Variants in ZFHX3 observed in about 807,000 individuals in gnomAD.
ZFHX3 encodes zinc finger homeobox protein 3.
ZFHX3 carries 42 observed loss-of-function variants against 279.1 expected under a neutral mutation model. The observed-to-expected ratio is 0.15, with a 90% CI of 0.12 to 0.19. The LOEUF is 0.19. Among genes scored for constraint, ZFHX3 ranks in the 10% least tolerant of loss-of-function variants. The probability of loss-of-function intolerance (pLI) is 1.00; values close to 1 mark genes in which losing one functional copy is unlikely to be tolerated. For synonymous variants in ZFHX3, 2,293 were observed against 1,957.8 expected (o/e 1.17, Z -4.52); for missense variants, 4,981 against 4,754.0 (o/e 1.05, Z -1.40).
At chr16:73,600,602 A>C (rs2052102802) in intron 2 of ZFHX3, among the ~76,000 whole-genome samples, 1 of 151,830 alleles carries the variant, frequency 6.6e-6, no homozygotes, top group Admixed American at 6.6e-5. Flanking sequence ...TTGTATTTTT[A>C]GTAGAGACAG....
intron 7 of ZFHX3, among the ~76,000 whole-genome samples, chr16:73,120,811 C>T (rs933098891): frequency 6.6e-6 from 1 of 151,864 alleles, no homozygotes; most frequent in Non-Finnish European, 1.5e-5. Flanking sequence ...TGTGCTACCA[C>T]GCCCGGCGAA....
intron 1 of ZFHX3, among the ~76,000 whole-genome samples, chr16:73,046,266 AC>A (rs1281878044): frequency 6.6e-6 from 1 of 152,020 alleles, no homozygotes; most frequent in East Asian, 1.9e-4. Context: ...CTTCCCTCAC[AC>A]CTCACTTTTG....
At chr16:73,665,925 T>A (rs1312034624) in intron 2 of ZFHX3, among the ~76,000 whole-genome samples, 3 of 150,728 alleles carry the variant, frequency 2.0e-5, no homozygotes, top group African/African-American at 7.4e-5. Context: ...ATGCCATTCT[T>A]CTGCCTCAAC....
intron 2 of ZFHX3, among the ~76,000 whole-genome samples, chr16:73,480,973 G>A (rs537058878): frequency 6.6e-6 from 1 of 152,268 alleles, no homozygotes; most frequent in South Asian, 2.1e-4. Context: ...GCAAAGACAC[G>A]TCAAGGACTC....
intron 1 of ZFHX3, among the ~76,000 whole-genome samples, chr16:73,705,926 T>C (rs2053298639): frequency 6.6e-6 from 1 of 152,120 alleles, no homozygotes; most frequent in African/African-American, 2.4e-5. Flanking sequence ...CCGACTCTTG[T>C]TATACCTCAC....
At chr16:73,058,226 G>A (rs1370232052) in intron 1 of ZFHX3, among the ~76,000 whole-genome samples, 15 of 145,094 alleles carry the variant, frequency 1.0e-4, no homozygotes, top group African/African-American at 3.2e-4. Context: ...GGGGAGGAGG[G>A]GGCGGCCCGG....
intron 2 of ZFHX3, among the ~76,000 whole-genome samples, chr16:73,491,611 C>A (rs1286806979): frequency 5.9e-5 from 9 of 152,234 alleles, no homozygotes; most frequent in African/African-American, 9.6e-5. Flanking sequence ...CATTGGCTGG[C>A]AAAGTGGCAC....
intron 3 of ZFHX3, among the ~76,000 whole-genome samples, chr16:72,917,540 C>T (rs1391819760): frequency 4.6e-5 from 7 of 152,166 alleles, no homozygotes; most frequent in Admixed American, 1.3e-4. Flanking sequence ...CTTCATACCA[C>T]GGGGTGTTTG....
chr16:73,494,688 T>C (rs1195161328), intron 2 of ZFHX3, among the ~76,000 whole-genome samples: 1 of 151,754 alleles, frequency 6.6e-6, no homozygotes, highest in Non-Finnish European at 1.5e-5. Context: ...GCCTCCAGAG[T>C]AGCTGGGATT....
intron 1 of ZFHX3, among the ~76,000 whole-genome samples, chr16:73,871,186 CT>C (rs773191489): frequency 6.6e-6 from 1 of 152,176 alleles, no homozygotes; most frequent in Non-Finnish European, 1.5e-5. Context: ...CTCAATTACA[CT>C]GGATTTTAGC....
chr16:73,002,186 T>A (rs1332559269), intron 1 of ZFHX3, among the ~76,000 whole-genome samples: 1 of 152,166 alleles, frequency 6.6e-6, no homozygotes, highest in Non-Finnish European at 1.5e-5. Flanking sequence ...CCCGCCAGGA[T>A]AGCACGTGAC....
chr16:73,245,901 G>C (rs59590328), intron 5 of ZFHX3, among the ~76,000 whole-genome samples: 26,036 of 152,038 alleles, frequency 0.17, 3,579 homozygotes, highest in East Asian at 0.46. Context: ...TTTAGGTCTG[G>C]GAACCTTAAG....
At chr16:73,821,355 T>C (rs1189420614) in intron 1 of ZFHX3, among the ~76,000 whole-genome samples, 1 of 152,176 alleles carries the variant, frequency 6.6e-6, no homozygotes. Context: ...GTACCATCTC[T>C]GATGGAATTT....
At chr16:72,812,966 C>T (rs536660289) in intron 5 of ZFHX3, among the ~76,000 whole-genome samples, 1 of 152,278 alleles carries the variant, frequency 6.6e-6, no homozygotes, top group African/African-American at 2.4e-5. Flanking sequence ...TTAGGAAAAA[C>T]CTGCTATCTG....
rs534849371 is a variant in ZFHX3 at position 73,565,533 on chromosome 16, G to A, written c.-1546-109275C>T. Reference sequence around the variant, plus strand: ...GTTACCTCGAATACTCAAGGTTTTCGGGGCACTTAATAGTTTACAAATGTT... The same window carrying A: ...GTTACCTCGAATACTCAAGGTTTTCAGGGCACTTAATAGTTTACAAATGTT... On this transcript the variant is annotated intron_variant, in intron 2 of 17. Transcript: ENST00000641206. Among the ~76,000 whole-genome samples the A allele has an allele frequency of 3.4e-4, 52 of 152,186 alleles. No individual in the cohort carries two copies. The South Asian group carries it at 9.8e-3, about 29-fold the overall frequency.
chr16:73,184,309 C>A (rs1340966637), intron 5 of ZFHX3, among the ~76,000 whole-genome samples: 2 of 152,206 alleles, frequency 1.3e-5, no homozygotes, highest in Non-Finnish European at 2.9e-5. Flanking sequence ...CAGCCACCTG[C>A]AGACCTTTGC....
At chr16:73,258,915 C>G (rs2013738809) in intron 4 of ZFHX3, among the ~76,000 whole-genome samples, 1 of 152,172 alleles carries the variant, frequency 6.6e-6, no homozygotes, top group South Asian at 2.1e-4. Context: ...TTACATGTAC[C>G]TGAGTAGTCT....
At chr16:72,907,473 C>T (rs1336403085) in intron 3 of ZFHX3, among the ~76,000 whole-genome samples, 3 of 151,934 alleles carry the variant, frequency 2.0e-5, no homozygotes, top group Non-Finnish European at 4.4e-5. Flanking sequence ...TTATCACCCA[C>T]TACTCCCCTG....
intron 3 of ZFHX3, among the ~76,000 whole-genome samples, chr16:72,940,975 C>CCACGCACTGTGAGCAATGCT (rs1481626357): frequency 6.6e-6 from 1 of 152,220 alleles, no homozygotes; most frequent in Non-Finnish European, 1.5e-5. Context: ...ACAGGGTCTC[C>CCACGCACTGTGAGCAATGCT]CACGCACTGT....
Sources: gnomAD v4.1 joint callset for allele counts (sites outside exome capture counted in the v4.1 genomes callset) on GRCh38, gnomAD v4.1.1 for gene constraint, MANE v1.5 for transcripts, NCBI Gene and HGNC (gene_info 2026-07-23, HGNC 2026-07-21) for gene names.